RSF1: variants seen among roughly 807,000 people sequenced by gnomAD.
RSF1 encodes the protein HBV pX-associated protein 8.
A neutral mutation model predicts 145.2 loss-of-function variants in RSF1; 13 were observed. The ratio of observed to expected loss-of-function variants is 0.09; its 90% CI spans 0.06 to 0.14. The LOEUF (loss-of-function observed/expected upper bound fraction) is 0.14, where lower values mean the gene tolerates loss of function less well. RSF1 is among the 10% of genes least tolerant of loss of function. The probability of loss-of-function intolerance (pLI) is 1.00; values close to 1 mark genes in which losing one functional copy is unlikely to be tolerated. For missense variants in RSF1, 1,517 were observed against 1,718.2 expected (o/e 0.88, Z 2.07); for synonymous variants, 577 against 592.6 (o/e 0.97, Z 0.38).
Position 77,665,003 on chromosome 11 carries a change from T to C in RSF1, c.*1914A>G, listed in dbSNP as rs2135802153. ...TATTTTTTATACAGATACATACACATTGCTAGAATCAAAGCAAAAATATTA... is the reference window on the plus strand; with the variant it reads ...TATTTTTTATACAGATACATACACACTGCTAGAATCAAAGCAAAAATATTA... On this transcript the variant is annotated 3_prime_UTR_variant, in exon 16 of 16. Coordinates refer to ENST00000308488, the MANE Select transcript of RSF1 (RefSeq NM_016578.4). The C allele has an allele frequency of 6.6e-6, 1 of 152,268 alleles. No homozygotes were observed. The highest frequency in any genetic ancestry group is 1.5e-5 in the Non-Finnish European group (1 of 68,018). 9.4% of individuals were successfully genotyped at this position (152,268 alleles called of 1,614,324 possible).
chr11:77,694,112 A>C (rs1440698760), intron 7 of RSF1, among the ~76,000 whole-genome samples: 1 of 152,190 alleles, frequency 6.6e-6, no homozygotes. Context: ...ACCTAAAAAA[A>C]AGTTAAGCTA....
chr11:77,834,331 C>T, the RSF1 span, among the ~76,000 whole-genome samples: 1 of 150,952 alleles, frequency 6.6e-6, no homozygotes, highest in African/African-American at 2.4e-5. Flanking sequence ...GAAGTAAACA[C>T]ATAATGAAGA....
intron 5 of RSF1, among the ~76,000 whole-genome samples, chr11:77,716,719 G>A (rs1960818571): frequency 6.6e-6 from 1 of 151,780 alleles, no homozygotes; most frequent in Admixed American, 6.6e-5. Flanking sequence ...ACAACGTACT[G>A]TATACCTGAA....
At chr11:77,829,317 A>G in the RSF1 span, among the ~76,000 whole-genome samples, 3 of 152,210 alleles carry the variant, frequency 2.0e-5, no homozygotes, top group Non-Finnish European at 4.4e-5. Flanking sequence ...TATCTTGGAT[A>G]TGCCAGCTCC....
chr11:77,808,162 T>C (rs1012669574), intron 1 of RSF1, among the ~76,000 whole-genome samples: 9 of 151,986 alleles, frequency 5.9e-5, no homozygotes, highest in African/African-American at 1.2e-4. Flanking sequence ...GGTGAAACCC[T>C]GTCTCTATTA....
At chr11:77,725,407 G>GA (rs1961030161) in intron 5 of RSF1, 138 bp downstream of exon 5, 3 of 660,326 alleles carry the variant, frequency 4.5e-6, no homozygotes, top group Non-Finnish European at 4.4e-6. Context: ...TTAAATTAAG[G>GA]AAAAATCAAC....
At chr11:77,783,314 T>C (rs1248585188) in intron 1 of RSF1, among the ~76,000 whole-genome samples, 1 of 152,252 alleles carries the variant, frequency 6.6e-6, no homozygotes, top group African/African-American at 2.4e-5. Flanking sequence ...AAAGACTTTT[T>C]TAAAATTGGG....
intron 1 of RSF1, among the ~76,000 whole-genome samples, chr11:77,773,383 A>G (rs1332519067): frequency 6.6e-6 from 1 of 152,112 alleles, no homozygotes; most frequent in East Asian, 1.9e-4. Context: ...AAAATTTTTG[A>G]AGCAGCCATT....
chr11:77,764,530 A>T (rs769810579), intron 2 of RSF1, 68 bp downstream of exon 2: 2 of 914,246 alleles, frequency 2.2e-6, no homozygotes, highest in Non-Finnish European at 3.5e-6. Context: ...GTATTATAAA[A>T]CATAATATCA....
At chr11:77,721,649 T>C (rs1565159895) in intron 5 of RSF1, among the ~76,000 whole-genome samples, 1 of 152,192 alleles carries the variant, frequency 6.6e-6, no homozygotes, top group Non-Finnish European at 1.5e-5. Context: ...TCTGACAATA[T>C]AGGCAAAAGC....
At chr11:77,708,482 C>T (rs536953429) in intron 5 of RSF1, among the ~76,000 whole-genome samples, 53 of 152,242 alleles carry the variant, frequency 3.5e-4, no homozygotes, top group Middle Eastern at 3.4e-3. Flanking sequence ...TAAGCTAAGG[C>T]CAATCCTTCC....
At chr11:77,698,426 G>C (rs1045824936) in intron 7 of RSF1, 61 bp downstream of exon 7, 1 of 1,401,296 alleles carries the variant, frequency 7.1e-7, no homozygotes, top group Non-Finnish European at 1.0e-6. Context: ...GAGTTAGGCT[G>C]CTCCAGGCAA....
chr11:77,790,165 G>C (rs1948502527), intron 1 of RSF1, among the ~76,000 whole-genome samples: 1 of 152,186 alleles, frequency 6.6e-6, no homozygotes, highest in Non-Finnish European at 1.5e-5. Context: ...ACAAAAGAAA[G>C]GTTTATTGGA....
chr11:77,705,580 G>A (rs1960528656), intron 5 of RSF1, among the ~76,000 whole-genome samples: 1 of 152,164 alleles, frequency 6.6e-6, no homozygotes, highest in Non-Finnish European at 1.5e-5. Context: ...GTTCAGGAAG[G>A]CACTTGCCTC....
chr11:77,842,704 A>G, the RSF1 span: 1 of 1,565,904 alleles, frequency 6.4e-7, no homozygotes, highest in Non-Finnish European at 8.7e-7. Context: ...GCAATGACTA[A>G]GTGAAAAACT....
chr11:77,718,986 C>T (rs1458990681), intron 5 of RSF1, among the ~76,000 whole-genome samples: 2 of 152,108 alleles, frequency 1.3e-5, no homozygotes, highest in South Asian at 2.1e-4. Context: ...CAGTGGCTCA[C>T]GCCTATAATC....
intron 5 of RSF1, among the ~76,000 whole-genome samples, chr11:77,704,073 C>T (rs1339339667): frequency 2.0e-5 from 3 of 152,184 alleles, no homozygotes; most frequent in Non-Finnish European, 2.9e-5. Context: ...TTGGGTGGAT[C>T]GCTTGAGCTC....
rs1442177201 is a variant in RSF1, at chr11:77,699,479, T to C, written c.2509-786A>G. 2.0e-5 allele frequency among the ~76,000 whole-genome samples: 3 copies of C among 152,170 alleles called. No homozygotes were observed. The East Asian group carries it at 5.8e-4, about 29-fold the overall frequency. ...CAGGATCACTTACAATGAAGAATGA[T>C]CTGATCGTTTAAATACATTAAAAAG... On this transcript the variant is annotated intron_variant, in intron 6 of 15. Coordinates refer to ENST00000308488, the MANE Select transcript of RSF1 (RefSeq NM_016578.4).
Position 77,661,437 on chromosome 11 carries a change from ATGTGTGTGTG to A in RSF1, c.*5470_*5479del, listed in dbSNP as rs59270581. ...AAATCCATTTACTAATATAAGCTAGATGTGTGTGTGTGTGTGTGTGTGTGTGCAATTTTCA... is the reference window on the plus strand; with the variant it reads ...AAATCCATTTACTAATATAAGCTAGATGTGTGTGTGTGTGTGCAATTTTCA... On this transcript the variant is annotated 3_prime_UTR_variant, in exon 16 of 16. Transcript: ENST00000308488. The A allele has an allele frequency of 6.8e-6, 1 of 146,714 alleles. No homozygotes were observed. The highest frequency in any genetic ancestry group is 1.5e-5 in the Non-Finnish European group (1 of 66,060). 9.1% of individuals were successfully genotyped at this position (146,714 alleles called of 1,614,324 possible). A position where few individuals can be genotyped will look rare whatever the true frequency, so the allele number is the denominator to read the frequency against.
Sources: allele counts gnomAD v4.1 joint callset (sites outside exome capture counted in the v4.1 genomes callset), GRCh38; gene constraint gnomAD v4.1.1; transcripts MANE v1.5; gene names NCBI Gene and HGNC (gene_info 2026-07-23, HGNC 2026-07-21).